The following ROBO1 variants were observed in gnomAD, a reference collection of about 807,000 sequenced individuals.
ROBO1 encodes the protein roundabout homolog 1.
Under a neutral mutation model 195.9 loss-of-function variants are expected in ROBO1, and 149 were observed. The observed-to-expected ratio is 0.76, with a 90% CI of 0.67 to 0.87. The LOEUF (loss-of-function observed/expected upper bound fraction) is 0.87, where lower values mean the gene tolerates loss of function less well. ROBO1 is among the 40% of genes least tolerant of loss of function. The pLI is 0.00. For synonymous variants in ROBO1, 816 were observed against 733.2 expected (o/e 1.11, Z -1.82); for missense variants, 1,933 against 2,068.3 (o/e 0.93, Z 1.27).
chr3:78,736,514 G>A (rs183661497), intron 5 of ROBO1, among the ~76,000 whole-genome samples: 1 of 152,190 alleles, frequency 6.6e-6, no homozygotes, highest in East Asian at 1.9e-4. Flanking sequence ...AAATGAGTGT[G>A]TTAGACAAAG....
intron 2 of ROBO1, among the ~76,000 whole-genome samples, chr3:79,175,582 G>A (rs898655273): frequency 3.3e-5 from 5 of 152,270 alleles, no homozygotes; most frequent in South Asian, 4.1e-4. Flanking sequence ...GCTAAATAGC[G>A]CCTAAGATAC....
intron 1 of ROBO1, among the ~76,000 whole-genome samples, chr3:79,749,622 G>A (rs770167942): frequency 2.8e-4 from 43 of 152,140 alleles, no homozygotes; most frequent in Admixed American, 2.6e-4. Context: ...TTGGTGCCCC[G>A]TGTTCCAGCA....
intron 1 of ROBO1, among the ~76,000 whole-genome samples, chr3:79,723,311 T>A (rs2107307494): frequency 6.6e-6 from 1 of 152,298 alleles, no homozygotes; most frequent in East Asian, 1.9e-4. Flanking sequence ...ATCAACTCTC[T>A]GACATTTCTG....
intron 2 of ROBO1, among the ~76,000 whole-genome samples, chr3:79,145,649 T>C (rs909817508): frequency 5.3e-5 from 8 of 151,942 alleles, no homozygotes; most frequent in Admixed American, 1.3e-4. Flanking sequence ...ACTGACCTGA[T>C]CAATTTCTGT....
At chr3:79,303,319 C>T (rs1181949164) in intron 2 of ROBO1, among the ~76,000 whole-genome samples, 1 of 151,968 alleles carries the variant, frequency 6.6e-6, no homozygotes, top group Non-Finnish European at 1.5e-5. Flanking sequence ...GCATGCGCCA[C>T]CATGCCCTGC....
intron 2 of ROBO1, among the ~76,000 whole-genome samples, chr3:79,343,201 C>G (rs956343378): frequency 2.0e-5 from 3 of 152,086 alleles, no homozygotes; most frequent in African/African-American, 7.2e-5. Flanking sequence ...GAATAATATT[C>G]TATTGTCTGG....
intron 3 of ROBO1, among the ~76,000 whole-genome samples, chr3:79,013,971 T>C (rs2077854557): frequency 6.6e-6 from 1 of 152,302 alleles, no homozygotes; most frequent in African/African-American, 2.4e-5. Flanking sequence ...AACTACTTGG[T>C]GTATCAGTCT....
intron 3 of ROBO1, among the ~76,000 whole-genome samples, chr3:79,084,296 C>T (rs1255949711): frequency 6.6e-6 from 1 of 152,016 alleles, no homozygotes; most frequent in Non-Finnish European, 1.5e-5. Flanking sequence ...GTCAGGAGTT[C>T]GAGATCAGCC....
At chr3:79,540,569 A>G (rs1942027663) in intron 2 of ROBO1, among the ~76,000 whole-genome samples, 1 of 152,126 alleles carries the variant, frequency 6.6e-6, no homozygotes, top group African/African-American at 2.4e-5. Flanking sequence ...ACTCTGTTTC[A>G]TAAACAACAC....
chr3:79,017,791 C>T (rs920758558), intron 3 of ROBO1, among the ~76,000 whole-genome samples: 6 of 152,098 alleles, frequency 3.9e-5, no homozygotes, highest in African/African-American at 1.4e-4. Context: ...TGCTTGCAAC[C>T]GCCTGTTTTC....
At chr3:78,959,445 A>G (rs545596396) in intron 3 of ROBO1, among the ~76,000 whole-genome samples, 1 of 152,376 alleles carries the variant, frequency 6.6e-6, no homozygotes, top group South Asian at 2.1e-4. Flanking sequence ...TTTTAAAACC[A>G]GAGGAATAAT....
chr3:79,508,494 A>G (rs1940531195), intron 2 of ROBO1, among the ~76,000 whole-genome samples: 1 of 152,164 alleles, frequency 6.6e-6, no homozygotes, highest in African/African-American at 2.4e-5. Context: ...AAACTAATAC[A>G]CTCAGTAACA....
chr3:79,211,926 C>T (rs1386024294), intron 2 of ROBO1, among the ~76,000 whole-genome samples: 2 of 152,146 alleles, frequency 1.3e-5, no homozygotes, highest in Non-Finnish European at 2.9e-5. Flanking sequence ...GATTTACCCA[C>T]ATATTTATTG....
At chr3:79,365,892 G>A (rs1232272964) in intron 2 of ROBO1, among the ~76,000 whole-genome samples, 10 of 107,498 alleles carry the variant, frequency 9.3e-5, no homozygotes, top group Middle Eastern at 4.3e-3. Context: ...GCAAGACTCC[G>A]TCTCAAAAAA....
chr3:79,620,001 C>A (rs913107053), intron 1 of ROBO1, among the ~76,000 whole-genome samples: 2 of 152,148 alleles, frequency 1.3e-5, no homozygotes, highest in Non-Finnish European at 2.9e-5. Flanking sequence ...GAAACCCCAG[C>A]CACATCTCCA....
chr3:78,708,359 G>T (rs555866919), intron 8 of ROBO1, among the ~76,000 whole-genome samples: 2 of 151,388 alleles, frequency 1.3e-5, no homozygotes, highest in East Asian at 3.9e-4. Flanking sequence ...AATTTTATAG[G>T]GTTTGTTATT....
chr3:78,650,198 T>C (rs979963534), intron 19 of ROBO1, among the ~76,000 whole-genome samples: 1 of 152,146 alleles, frequency 6.6e-6, no homozygotes, highest in African/African-American at 2.4e-5. Flanking sequence ...AAAGGTTTTA[T>C]ATGGTAGCAT....
At chr3:79,573,679 AG>A (rs1943353543) in intron 2 of ROBO1, among the ~76,000 whole-genome samples, 1 of 152,188 alleles carries the variant, frequency 6.6e-6, no homozygotes, top group Admixed American at 6.6e-5. Context: ...ACATTCAATT[AG>A]GGGTAGCTTT....
chr3:79,027,657 A>G (rs1188540925), intron 3 of ROBO1, among the ~76,000 whole-genome samples: 1 of 152,064 alleles, frequency 6.6e-6, no homozygotes, highest in Non-Finnish European at 1.5e-5. Flanking sequence ...TTTTCCCAAG[A>G]GTTTAATCAC....
Sources: gnomAD v4.1 joint callset for allele counts (sites outside exome capture counted in the v4.1 genomes callset) on GRCh38, gnomAD v4.1.1 for gene constraint, MANE v1.5 for transcripts, NCBI Gene and HGNC (gene_info 2026-07-23, HGNC 2026-07-21) for gene names.